The following SMURF2 variants were observed in gnomAD, a reference collection of about 807,000 sequenced individuals.
SMURF2 encodes E3 ubiquitin-protein ligase SMURF2.
SMURF2 carries 48 observed loss-of-function variants against 109.6 expected under a neutral mutation model. The observed-to-expected ratio is 0.44, with a 90% CI of 0.35 to 0.56. The LOEUF (loss-of-function observed/expected upper bound fraction) is 0.56. SMURF2 is among the 20% of genes least tolerant of loss of function. The pLI, the probability that SMURF2 is intolerant of heterozygous loss-of-function variation, is 0.01. For synonymous variants in SMURF2, 288 were observed against 317.1 expected, an observed-to-expected ratio of 0.91 and a Z score of 0.97; for missense variants, 575 against 909.0, an observed-to-expected ratio of 0.63 and a Z score of 4.72.
intron 1 of SMURF2, among the ~76,000 whole-genome samples, chr17:64,636,177 T>C (rs1970413880): frequency 6.6e-6 from 1 of 152,204 alleles, no homozygotes. Context: ...CTCACTATGC[T>C]GCCCAGGCTG....
chr17:64,574,514 G>C (rs1969460583), intron 9 of SMURF2, among the ~76,000 whole-genome samples: 1 of 152,110 alleles, frequency 6.6e-6, no homozygotes, highest in Admixed American at 6.6e-5. Context: ...GTCTGACTTT[G>C]CAATTTTATA....
intron 14 of SMURF2, 62 bp downstream of exon 14, chr17:64,555,758 G>T: frequency 3.3e-6 from 4 of 1,214,900 alleles, no homozygotes; most frequent in Non-Finnish European, 4.5e-6. Context: ...CATCAGTTTT[G>T]AAACATATTT....
At chr17:64,575,919 A>G (rs1969483075) in intron 9 of SMURF2, among the ~76,000 whole-genome samples, 1 of 152,006 alleles carries the variant, frequency 6.6e-6, no homozygotes, top group African/African-American at 2.4e-5. Context: ...ATAACTCAAA[A>G]TAGGGCCAAG....
At chr17:64,630,029 A>T (rs2144706698) in intron 1 of SMURF2, among the ~76,000 whole-genome samples, 1 of 152,240 alleles carries the variant, frequency 6.6e-6, no homozygotes, top group Admixed American at 6.5e-5. Flanking sequence ...CAAGGTCAGG[A>T]GTTCGAAACG....
chr17:64,571,498 T>C (rs1329018352), intron 10 of SMURF2, among the ~76,000 whole-genome samples: 1 of 152,148 alleles, frequency 6.6e-6, no homozygotes, highest in Non-Finnish European at 1.5e-5. Context: ...CTCAAACTCC[T>C]GGGCTCAGGC....
chr17:64,629,024 C>T (rs1970303323), intron 1 of SMURF2, among the ~76,000 whole-genome samples: 1 of 152,146 alleles, frequency 6.6e-6, no homozygotes, highest in Non-Finnish European at 1.5e-5. Context: ...ACTCCAGCCC[C>T]AGGCAAAATC....
At chr17:64,621,952 CAATAATAAT>C (rs782162183) in intron 1 of SMURF2, among the ~76,000 whole-genome samples, 20 of 130,498 alleles carry the variant, frequency 1.5e-4, no homozygotes, top group South Asian at 7.1e-4. Flanking sequence ...GCCATCATCG[CAATAATAAT>C]AATAATAATA....
intron 1 of SMURF2, among the ~76,000 whole-genome samples, chr17:64,661,170 C>T (rs557196916): frequency 3.9e-5 from 6 of 152,186 alleles, no homozygotes; most frequent in African/African-American, 1.4e-4. Context: ...AACATGCCAC[C>T]CTACAATCAG....
At chr17:64,610,162 A>G (rs145708700) in intron 1 of SMURF2, among the ~76,000 whole-genome samples, 7,662 of 152,274 alleles carry the variant, frequency 0.05, 320 homozygotes, top group Admixed American at 0.14. Flanking sequence ...GTTGGTGGGC[A>G]TGTAAATTAG....
intron 4 of SMURF2, 147 bp from the exon 5 acceptor site, chr17:64,591,296 G>T: frequency 1.7e-6 from 1 of 576,632 alleles, no homozygotes; most frequent in Non-Finnish European, 3.0e-6. Flanking sequence ...AAACACTGGT[G>T]TATTACATTG....
At chr17:64,566,052 A>T (rs927806739) in intron 10 of SMURF2, among the ~76,000 whole-genome samples, 2 of 152,250 alleles carry the variant, frequency 1.3e-5, no homozygotes, top group Middle Eastern at 3.4e-3. Flanking sequence ...GTAATACTAT[A>T]TTTGACGGCT....
intron 1 of SMURF2, among the ~76,000 whole-genome samples, chr17:64,655,117 T>C (rs962167500): frequency 5.3e-5 from 8 of 152,082 alleles, no homozygotes; most frequent in Non-Finnish European, 7.4e-5. Context: ...ATTATAAAGC[T>C]ATCCTGAACA....
rs1555682811 is a variant in SMURF2, at chr17:64,543,419, G to C, written c.*2429C>G. The C allele has an allele frequency of 6.6e-6, 1 of 151,978 alleles. No individual in the cohort carries two copies. Among genetic ancestry groups the C allele is most frequent in the African/African-American group, 2.4e-5 (1 of 41,356 alleles). The allele number at this position is 151,978 out of a possible 1,614,324, so 9.4% of individuals were successfully genotyped here. The stretch of plus-strand genomic sequence containing the variant: ...CCTCCCAAGTAGTTGGATTACAGGA[G>C]TGCGCCACCATGCCCGGCTAAATTT... On this transcript the variant is annotated 3_prime_UTR_variant, in exon 19 of 19. Coordinates refer to ENST00000262435, the MANE Select transcript of SMURF2 (RefSeq NM_022739.4).
chr17:64,570,957 A>C (rs1348414424), intron 10 of SMURF2, among the ~76,000 whole-genome samples: 1 of 152,018 alleles, frequency 6.6e-6, no homozygotes, highest in Non-Finnish European at 1.5e-5. Flanking sequence ...ATTTTAAAAA[A>C]ATTTTTTGAA....
At chr17:64,550,985 T>G (rs927204021) in intron 16 of SMURF2, among the ~76,000 whole-genome samples, 2 of 152,156 alleles carry the variant, frequency 1.3e-5, no homozygotes. Context: ...ATTGGAAGAA[T>G]GTACATATAA....
rs527443848 is a variant in SMURF2, at chr17:64,662,295, C to G, written c.-415G>C. 3.1e-6 allele frequency: 3 copies of G among 978,476 alleles called. No individual in the cohort carries two copies. The East Asian group carries it at 3.4e-4, about 112-fold the overall frequency. 60.6% of individuals were successfully genotyped at this position (978,476 alleles called of 1,614,324 possible). On this transcript the variant is annotated 5_prime_UTR_variant, in exon 1 of 19. Transcript: ENST00000262435. Reference sequence around the variant, plus strand: ...GGGCTCGGCCGCTTCCTCCTCCACCCGCCCTCTTGTCTGAGGGACCCGGGA... The same window carrying G: ...GGGCTCGGCCGCTTCCTCCTCCACCGGCCCTCTTGTCTGAGGGACCCGGGA...
chr17:64,561,238 T>C (rs1251627883), intron 12 of SMURF2, among the ~76,000 whole-genome samples: 1 of 152,134 alleles, frequency 6.6e-6, no homozygotes, highest in African/African-American at 2.4e-5. Context: ...GGCAATAATG[T>C]ACTTAAAGAG....
chr17:64,567,841 C>G (rs1555685172), intron 10 of SMURF2, among the ~76,000 whole-genome samples: 1 of 150,520 alleles, frequency 6.6e-6, no homozygotes, highest in African/African-American at 2.5e-5. Flanking sequence ...AGGCACCCGC[C>G]ACCACACCTG....
At chr17:64,654,645 C>A (rs1970682272) in intron 1 of SMURF2, among the ~76,000 whole-genome samples, 1 of 152,024 alleles carries the variant, frequency 6.6e-6, no homozygotes, top group Non-Finnish European at 1.5e-5. Flanking sequence ...GCCTGACCAA[C>A]ATGGAGAAAC....
Sources: gnomAD v4.1 joint callset for allele counts (sites outside exome capture counted in the v4.1 genomes callset) on GRCh38, gnomAD v4.1.1 for gene constraint, MANE v1.5 for transcripts, NCBI Gene and HGNC (gene_info 2026-07-23, HGNC 2026-07-21) for gene names.